MROH1: variants seen among roughly 807,000 people sequenced by gnomAD.
The protein encoded by MROH1 is maestro heat-like repeat-containing protein family member 1.
Under a neutral mutation model 116.5 loss-of-function variants are expected in MROH1, and 117 were observed. That is an observed-to-expected ratio of 1.00 (90% CI 0.86 to 1.17). MROH1 has a LOEUF of 1.17. Ranked by LOEUF, MROH1 falls within the 50% of genes most tolerant of loss-of-function variation. The pLI is 0.00. For synonymous variants in MROH1, 921 were observed against 583.9 expected, an observed-to-expected ratio of 1.58 and a Z score of -8.32; for missense variants, 1,873 against 1,338.5, an observed-to-expected ratio of 1.40 and a Z score of -6.23.
intron 12 of MROH1, among the ~76,000 whole-genome samples, chr8:144,201,875 G>A (rs1045109986): frequency 6.6e-6 from 1 of 152,108 alleles, no homozygotes; most frequent in Non-Finnish European, 1.5e-5. Flanking sequence ...AAAAAAATTA[G>A]CCTGGCGTGG....
Position 144,261,224 on chromosome 8 carries a change from C to A in MROH1, c.4774+8C>A. The A allele has an allele frequency of 1.3e-6, 1 of 763,386 alleles. No homozygotes were observed. Among genetic ancestry groups the A allele is most frequent in the Non-Finnish European group, 2.4e-6 (1 of 417,564 alleles). The allele number at this position is 763,386 out of a possible 1,614,324, so 47.3% of individuals were successfully genotyped here. On this transcript the variant is annotated splice_region_variant and intron_variant, in intron 42 of 43. Coordinates refer to ENST00000326134, the MANE Select transcript of MROH1 (RefSeq NM_032450.3). ...CTGCACCCCTGTTCACCGGTAAGCA[C>A]CACCCCCTGCCCCACCCCCACGCCG...
At chr8:144,227,074 G>A (rs775530505) in intron 14 of MROH1, among the ~76,000 whole-genome samples, 26 of 152,106 alleles carry the variant, frequency 1.7e-4, no homozygotes, top group Non-Finnish European at 3.4e-4. Context: ...ACTGTTCATC[G>A]TTAGCATACA....
intron 38 of MROH1, 25 bp from the exon 39 acceptor site, chr8:144,260,161 C>T (rs1844748311): frequency 2.6e-6 from 2 of 763,790 alleles, no homozygotes; most frequent in Non-Finnish European, 4.8e-6. Context: ...CTCTGGGACC[C>T]AGGCTGAGTG....
In MROH1 at chr8:144,254,945, C is replaced by T; in HGVS notation, c.3561C>T (p.Thr1187=). The T allele has an allele frequency of 3.9e-6, 3 of 773,968 alleles. No individual in the cohort carries two copies. The highest frequency in any genetic ancestry group is 7.2e-6 in the Non-Finnish European group (3 of 416,246). The allele number at this position is 773,968 out of a possible 1,614,324, so 47.9% of individuals were successfully genotyped here. ...KESRAFLLGR[T]PDRVATLLPL... ...GCCGGGCCTTCCTGCTGGGCCGCAC[C>T]CCAGACCGCGTGGCCACGCTGCTGC... Residue 1187 remains threonine (T), a synonymous_variant, in exon 34 of 44, where the codon ACC becomes ACT. Transcript: ENST00000326134.
At chr8:144,258,681 G>T (rs1301372616) in intron 35 of MROH1, 96 bp from the exon 36 acceptor site, 4 of 699,090 alleles carry the variant, frequency 5.7e-6, no homozygotes, top group Non-Finnish European at 1.0e-5. Context: ...TAGCCACCAG[G>T]TGGGCAACAC....
At chr8:144,207,285 TCAAGCAATTCTCCTG>T (rs1164928381) in intron 12 of MROH1, among the ~76,000 whole-genome samples, 1 of 151,690 alleles carries the variant, frequency 6.6e-6, no homozygotes, top group Non-Finnish European at 1.5e-5. Context: ...CCTCCTGGGT[TCAAGCAATTCTCCTG>T]CCTCAGCCTC....
rs1212307860 is a variant in MROH1 at position 144,234,683 on chromosome 8, A to G, written c.1339-4073A>G. ...AGGCGCCCACCACCATGTCTGGCTAATTTTTTTTTTTTTTGGTAAAAATGG... is the reference window on the plus strand; with the variant it reads ...AGGCGCCCACCACCATGTCTGGCTAGTTTTTTTTTTTTTTGGTAAAAATGG... On this transcript the variant is annotated intron_variant, in intron 14 of 43. Transcript: ENST00000326134. Among the ~76,000 whole-genome samples, 5 of 136,368 alleles carry G rather than the reference A, an allele frequency of 3.7e-5. No individual in the cohort carries two copies. The East Asian group carries it at 1.1e-3, about 30-fold the overall frequency. The allele number at this position is 136,368 out of a possible 152,430, so 89.5% of individuals were successfully genotyped here.
intron 33 of MROH1, chr8:144,251,844 A>T (rs1588499654): frequency 6.1e-6 from 1 of 163,466 alleles, no homozygotes; most frequent in Non-Finnish European, 1.3e-5. Flanking sequence ...GGTCACGGCC[A>T]CCTGACCGCC....
intron 7 of MROH1, among the ~76,000 whole-genome samples, chr8:144,187,298 T>C (rs1827444379): frequency 6.6e-6 from 1 of 151,918 alleles, no homozygotes; most frequent in Non-Finnish European, 1.5e-5. Context: ...TAGTCCTAGC[T>C]ACTTGAGAGG....
chr8:144,217,327 TA>T (rs1269268148), intron 12 of MROH1, among the ~76,000 whole-genome samples: 1 of 152,222 alleles, frequency 6.6e-6, no homozygotes, highest in Non-Finnish European at 1.5e-5. Flanking sequence ...CTGTATGAAA[TA>T]CCTCCAGGCT....
chr8:144,249,133 C>A, intron 32 of MROH1, 104 bp downstream of exon 32: 3 of 688,268 alleles, frequency 4.4e-6, no homozygotes, highest in Non-Finnish European at 8.0e-6. Context: ...AGAGGTGGCA[C>A]TGCGGGAGAA....
intron 1 of MROH1, among the ~76,000 whole-genome samples, chr8:144,157,201 C>G (rs1818368363): frequency 6.6e-6 from 1 of 152,014 alleles, no homozygotes; most frequent in Non-Finnish European, 1.5e-5. Context: ...TATGATCCGC[C>G]TGCCTCAGCC....
intron 33 of MROH1, 42 bp downstream of exon 33, chr8:144,250,408 G>T (rs1194375263): frequency 5.5e-5 from 40 of 731,878 alleles, no homozygotes; most frequent in East Asian, 3.1e-4. Context: ...CCTCTGGAAT[G>T]ATGCTCCCCC....
chr8:144,261,237 C>T (rs1554835673), intron 42 of MROH1, 21 bp downstream of exon 42: 1 of 762,448 alleles, frequency 1.3e-6, no homozygotes, highest in South Asian at 1.3e-5. Context: ...CCCCCTGCCC[C>T]ACCCCCACGC....
chr8:144,247,491 G>T, intron 30 of MROH1, 55 bp downstream of exon 30: 1 of 762,596 alleles, frequency 1.3e-6, no homozygotes, highest in Non-Finnish European at 2.4e-6. Context: ...TGCTTGGAGG[G>T]ATGAGGTGCG....
intron 1 of MROH1, among the ~76,000 whole-genome samples, chr8:144,151,252 A>C (rs913378741): frequency 9.4e-5 from 14 of 149,436 alleles, no homozygotes; most frequent in South Asian, 2.1e-4. Context: ...TGTCTCAAAA[A>C]AAAAAAAAAA....
chr8:144,153,073 T>G (rs1817232598), intron 1 of MROH1, among the ~76,000 whole-genome samples: 1 of 152,176 alleles, frequency 6.6e-6, no homozygotes, highest in Non-Finnish European at 1.5e-5. Flanking sequence ...CTTCTAGGAG[T>G]TCAACTCTTC....
intron 12 of MROH1, among the ~76,000 whole-genome samples, chr8:144,202,388 G>C (rs1040513342): frequency 6.7e-6 from 1 of 150,354 alleles, no homozygotes; most frequent in Non-Finnish European, 1.5e-5. Context: ...CAGGCTCTCT[G>C]TGGAGGGGAA....
intron 35 of MROH1, among the ~76,000 whole-genome samples, chr8:144,257,302 G>A (rs1225091791): frequency 6.6e-6 from 1 of 152,178 alleles, no homozygotes; most frequent in Non-Finnish European, 1.5e-5. Flanking sequence ...GGAGCCTGGG[G>A]ACACTCATCA....
Sources: allele counts gnomAD v4.1 joint callset (sites outside exome capture counted in the v4.1 genomes callset), GRCh38; gene constraint gnomAD v4.1.1; transcripts MANE v1.5; gene names NCBI Gene and HGNC (gene_info 2026-07-23, HGNC 2026-07-21).